Variants in PCDHGA4 observed in about 807,000 individuals in gnomAD.
PCDHGA4 encodes protocadherin gamma subfamily A, 4, also known as protocadherin gamma-A4.
In PCDHGA4, 38 loss-of-function variants were observed where a neutral mutation model predicts 54.6. The observed-to-expected ratio is 0.70, with a 90% confidence interval of 0.54 to 0.91. The LOEUF is 0.91. PCDHGA4 is among the 40% of genes least tolerant of loss of function. The pLI is 0.00. For synonymous variants in PCDHGA4, 511 were observed against 512.9 expected, an observed-to-expected ratio of 1.00 and a Z score of 0.05; for missense variants, 1,298 against 1,220.9, an observed-to-expected ratio of 1.06 and a Z score of -0.94.
Position 141,489,138 on chromosome 5 carries a change from T to C in PCDHGA4, c.2515-5669T>C. 1.4e-6 allele frequency: 1 copy of C among 738,808 alleles called. No homozygotes were observed. The highest frequency in any genetic ancestry group is 3.0e-5 in the Admixed American group (1 of 33,014). The allele number at this position is 738,808 out of a possible 1,614,324, so 45.8% of individuals were successfully genotyped here. On this transcript the variant is annotated intron_variant, in intron 1 of 3. Transcript: ENST00000571252. This position sits in a 1 kb window ranked among gnomAD's most constrained non-coding sequence, Gnocchi z 4.5. ...AACCTCCGAGCAGTTTTTAAGAGGC[T>C]GGAAGGAGACATAAGAGACTTCAGC...
chr5:141,389,827 G>A lies in PCDHGA4; in HGVS notation c.2514+32206G>A, dbSNP rs754189855. ...CTTCTGGTCGCCGTGCGTGACGGTG[G>A]ACAGCCACCACTCTCGGCCACTGCC... On this transcript the variant is annotated intron_variant, in intron 1 of 3. Transcript: ENST00000571252. The A allele has an allele frequency of 1.4e-5, 22 of 1,613,838 alleles. No individual in the cohort carries two copies. The African/African-American group carries it at 2.7e-4, about 20-fold the overall frequency.
chr5:141,395,518 C>T (rs1046650715), intron 1 of PCDHGA4: 2 of 412,004 alleles, frequency 4.9e-6, no homozygotes, highest in Admixed American at 4.2e-5. Context: ...AGCTACCCGT[C>T]CATACTGGTA....
intron 1 of PCDHGA4, chr5:141,413,772 A>G: frequency 1.9e-6 from 3 of 1,613,226 alleles, no homozygotes; most frequent in Non-Finnish European, 2.5e-6. Context: ...CGGAGCTGGT[A>G]CTGGAGCACT....
At chr5:141,388,324 A>T in intron 1 of PCDHGA4, 1 of 1,613,978 alleles carries the variant, frequency 6.2e-7, no homozygotes, top group East Asian at 2.2e-5. Flanking sequence ...GAGTCTGCAC[A>T]GCCTGGCACA....
Position 141,431,420 on chromosome 5 carries a change from G to C in PCDHGA4, c.2515-63387G>C, listed in dbSNP as rs780266425. The C allele has an allele frequency of 8.1e-6, 13 of 1,613,592 alleles. No individual in the cohort carries two copies. Among genetic ancestry groups the C allele is most frequent in the East Asian group, 2.2e-5 (1 of 44,902 alleles). ...TACGGCCTCCGACGGGGGCGACCCG[G>C]TGCGCACAGGCACCGCGCGCATCCG... is the stretch of plus-strand genomic sequence containing the variant. On this transcript the variant is annotated intron_variant, in intron 1 of 3. Transcript: ENST00000571252. This position sits in a 1 kb window ranked among gnomAD's most constrained non-coding sequence, Gnocchi z 4.8.
At position 141,431,790 on chromosome 5, in the gene PCDHGA4, C is replaced by G; in HGVS notation, c.2515-63017C>G. ...ACTGTTCTGGACGTGAACGACAATG[C>G]CCCAGAAGTGGTCCTCACCTCTCTC... On this transcript the variant is annotated intron_variant, in intron 1 of 3. Coordinates refer to ENST00000571252, the MANE Select transcript of PCDHGA4 (RefSeq NM_018917.4). The surrounding 1 kb of genome is among the most constrained non-coding windows in gnomAD (Gnocchi z 4.8). 1 of 1,614,186 alleles carries G rather than the reference C, an allele frequency of 6.2e-7. No homozygotes were observed. Among genetic ancestry groups the G allele is most frequent in the Non-Finnish European group, 8.5e-7 (1 of 1,180,016 alleles).
intron 1 of PCDHGA4, chr5:141,413,489 G>A (rs937434384): frequency 1.9e-6 from 3 of 1,614,036 alleles, no homozygotes; most frequent in Admixed American, 1.7e-5. Context: ...CAGAGCGCGC[G>A]GTGCGTGGTG....
chr5:141,457,172 T>C (rs1425263344), intron 1 of PCDHGA4, among the ~76,000 whole-genome samples: 1 of 152,212 alleles, frequency 6.6e-6, no homozygotes, highest in East Asian at 1.9e-4. Context: ...ATAACCCTAT[T>C]GCAAATAGTA....
At chr5:141,384,149 T>G (rs1361199282) in intron 1 of PCDHGA4, 1 of 1,613,252 alleles carries the variant, frequency 6.2e-7, no homozygotes, top group Non-Finnish European at 8.5e-7. Flanking sequence ...ACACTCTCTT[T>G]GTATAACATC....
intron 1 of PCDHGA4, chr5:141,384,060 A>G (rs1453253478): frequency 6.2e-7 from 1 of 1,609,266 alleles, no homozygotes; most frequent in Non-Finnish European, 8.5e-7. Context: ...GCACCATTCC[A>G]GAAAACCTAC....
intron 1 of PCDHGA4, chr5:141,393,499 A>T: frequency 6.2e-7 from 1 of 1,614,008 alleles, no homozygotes; most frequent in South Asian, 1.1e-5. Context: ...GTGCGCATCC[A>T]CGTGACAGTG....
At chr5:141,414,692 C>T (rs2095777962) in intron 1 of PCDHGA4, 1 of 1,613,918 alleles carries the variant, frequency 6.2e-7, no homozygotes, top group African/African-American at 1.3e-5. Flanking sequence ...GTACCTCTGT[C>T]CTCATACATA....
intron 1 of PCDHGA4, chr5:141,433,015 C>T (rs2154555449): frequency 2.5e-6 from 4 of 1,614,172 alleles, no homozygotes; most frequent in South Asian, 2.2e-5. Flanking sequence ...TCCTGCAGAC[C>T]TATTCCCACG....
intron 1 of PCDHGA4, chr5:141,398,768 C>T (rs1177677138): frequency 6.2e-6 from 10 of 1,613,946 alleles, no homozygotes; most frequent in South Asian, 1.1e-5. Context: ...GTCCTGACTG[C>T]CTTGGACGGT....
chr5:141,383,198 C>A, intron 1 of PCDHGA4: 1 of 1,614,016 alleles, frequency 6.2e-7, no homozygotes, highest in Non-Finnish European at 8.5e-7. Flanking sequence ...GCTCAGAGTG[C>A]GCGGTGTCTG....
intron 1 of PCDHGA4, chr5:141,366,010 T>C (rs1764260638): frequency 1.2e-6 from 2 of 1,614,114 alleles, no homozygotes; most frequent in Non-Finnish European, 1.7e-6. Flanking sequence ...ACAATACGCC[T>C]GAGATCCTGT....
At chr5:141,448,822 G>A (rs924937891) in intron 1 of PCDHGA4, among the ~76,000 whole-genome samples, 4 of 152,048 alleles carry the variant, frequency 2.6e-5, no homozygotes, top group African/African-American at 9.7e-5. Context: ...GCGGGCGCCT[G>A]TAGTCCCAGC....
chr5:141,410,086 G>A (rs759204005), intron 1 of PCDHGA4: 3 of 1,612,588 alleles, frequency 1.9e-6, no homozygotes, highest in Non-Finnish European at 2.5e-6. Flanking sequence ...AGGTGCGCAC[G>A]GCTCGAGCCT....
At chr5:141,478,044 C>G in intron 1 of PCDHGA4, 1 of 1,614,184 alleles carries the variant, frequency 6.2e-7, no homozygotes. Flanking sequence ...CCCAGGCAGA[C>G]TCTCACGGTC....
Sources: allele counts gnomAD v4.1 joint callset (sites outside exome capture counted in the v4.1 genomes callset), GRCh38; gene constraint gnomAD v4.1.1; non-coding constraint Gnocchi (gnomAD v3.1); transcripts MANE v1.5; gene names NCBI Gene and HGNC (gene_info 2026-07-23, HGNC 2026-07-21).